Variants in TUBGCP6 observed in about 807,000 individuals in gnomAD.
TUBGCP6 encodes the protein gamma-tubulin complex component 6.
A neutral mutation model predicts 175.8 loss-of-function variants in TUBGCP6; 161 were observed. The observed-to-expected ratio is 0.92, with a 90% CI of 0.81 to 1.04. The LOEUF (loss-of-function observed/expected upper bound fraction) is 1.04. TUBGCP6 is among the 50% of genes least tolerant of loss of function. The pLI, the probability that TUBGCP6 is intolerant of heterozygous loss-of-function variation, is 0.00. For synonymous variants in TUBGCP6, 1,173 were observed against 1,030.5 expected (o/e 1.14, Z -2.65); for missense variants, 2,572 against 2,433.0 (o/e 1.06, Z -1.20).
chr22:50,225,791 C>T lies in TUBGCP6; in HGVS notation c.1983+3G>A, dbSNP rs2064598136. 6.2e-7 allele frequency: 1 copy of T among 1,611,176 alleles called. No homozygotes were observed. The highest frequency in any genetic ancestry group is 8.5e-7 in the Non-Finnish European group (1 of 1,178,518). ...AGCCCCCGAGACCTGTGGTGCCACG[C>T]ACCTTCTCCTCCTTGCTGACAGAGC... On this transcript the variant is annotated splice_donor_region_variant and intron_variant, in intron 10 of 24. Transcript: ENST00000248846.
In TUBGCP6 at chr22:50,219,364, T is replaced by C. The variant is rs748294303; in HGVS notation, c.4408A>G (p.Thr1470Ala). ...DPQVQSAADE[T>A]AVQLSELLTL... ...AGCAACTCGCTCAGCTGCACAGCAGTCTCATCAGCGGCAGACTGGACCTGG... is the reference window on the plus strand; with the variant it reads ...AGCAACTCGCTCAGCTGCACAGCAGCCTCATCAGCGGCAGACTGGACCTGG... Residue 1470 changes from threonine (T) to alanine (A), a missense_variant, in exon 19 of 25, where the codon ACT (threonine) becomes GCT (alanine). Coordinates refer to ENST00000248846, the MANE Select transcript of TUBGCP6 (RefSeq NM_020461.4). 3 of 1,587,022 alleles carry C rather than the reference T, an allele frequency of 1.9e-6. No individual in the cohort carries two copies. The highest frequency in any genetic ancestry group is 2.3e-5 in the South Asian group (2 of 87,714).
At chr22:50,235,715 G>A (rs1322517312) in intron 2 of TUBGCP6, among the ~76,000 whole-genome samples, 2 of 152,154 alleles carry the variant, frequency 1.3e-5, no homozygotes, top group Non-Finnish European at 2.9e-5. Flanking sequence ...GCCAAGAAAG[G>A]CAGATCACGA....
At chr22:50,241,699 C>G (rs1455229474) in intron 1 of TUBGCP6, among the ~76,000 whole-genome samples, 1 of 152,134 alleles carries the variant, frequency 6.6e-6, no homozygotes, top group Non-Finnish European at 1.5e-5. Flanking sequence ...CAGGGAAGGG[C>G]CCCCTGTCCA....
In TUBGCP6 at chr22:50,221,239, A is replaced by G; in HGVS notation, c.3120T>C (p.Ala1040=). 1 of 1,614,160 alleles carries G rather than the reference A, an allele frequency of 6.2e-7. No homozygotes were observed. Among genetic ancestry groups the G allele is most frequent in the African/African-American group, 1.3e-5 (1 of 75,062 alleles). Residue 1040 remains alanine, a synonymous_variant, in exon 16 of 25, where the codon GCT becomes GCC. Transcript: ENST00000248846. ...SGGGLPTGDY[A]SEIAPTRPRW... Reference sequence around the variant, plus strand: ...GTGGCCGGGTGGGAGCTATTTCAGAAGCGTAGTCCCCTGTGGGAAGACCAC... The same window carrying G: ...GTGGCCGGGTGGGAGCTATTTCAGAGGCGTAGTCCCCTGTGGGAAGACCAC...
intron 2 of TUBGCP6, among the ~76,000 whole-genome samples, chr22:50,238,654 C>T (rs1360774939): frequency 6.6e-6 from 1 of 151,342 alleles, no homozygotes; most frequent in Non-Finnish European, 1.5e-5. Flanking sequence ...TCTCCTGCCT[C>T]AGCCTCCCCA....
chr22:50,225,084 C>G (rs1458522715), intron 10 of TUBGCP6, among the ~76,000 whole-genome samples: 1 of 148,562 alleles, frequency 6.7e-6, no homozygotes, highest in East Asian at 2.0e-4. Context: ...CCCCCAGGCT[C>G]TCAGCAGTGG....
At position 50,243,932 on chromosome 22, in the gene TUBGCP6, C is replaced by G. The variant is rs180777137; in HGVS notation, c.528G>C (p.Gln176His). The G allele has an allele frequency of 6.2e-5, 100 of 1,614,140 alleles. No individual in the cohort carries two copies. Among genetic ancestry groups the G allele is most frequent in the Non-Finnish European group, 5.1e-6 (6 of 1,180,040 alleles). The change falls in exon 1 of 25, where the codon CAG becomes CAC. Residue 176 changes from glutamine (Q) to histidine (H), a missense_variant. Coordinates refer to ENST00000248846, the MANE Select transcript of TUBGCP6 (RefSeq NM_020461.4). ...CAGCCTCCATAACCTGAAGTGTTTC[C>G]TGGATCATGCTGTGACACAAACACT... ...REECLCHSMI[Q>H]ETLQVMEAAP...
chr22:50,219,867 A>T, intron 17 of TUBGCP6, 76 bp from the exon 18 acceptor site: 2 of 1,603,688 alleles, frequency 1.2e-6, no homozygotes, highest in Admixed American at 3.3e-5. Flanking sequence ...AAAAAAAGGA[A>T]AATCGCATGT....
rs577492939 is a variant in TUBGCP6 at position 50,227,525 on chromosome 22, C to T, written c.1412+382G>A. ...CACTCTGCTCCTCAGCCTGGAAGGT[C>T]GCCTCTCCCACTGCTCCCAATGCCC... is the stretch of plus-strand genomic sequence containing the variant. On this transcript the variant is annotated intron_variant, in intron 5 of 24. Transcript: ENST00000248846. 9.2e-5 allele frequency among the ~76,000 whole-genome samples: 14 copies of T among 152,326 alleles called. No individual in the cohort carries two copies. The South Asian group carries it at 1.9e-3, about 20-fold the overall frequency.
In TUBGCP6 at chr22:50,244,049, C is replaced by T. The variant is rs1184860327; in HGVS notation, c.411G>A (p.Lys137=). 6.2e-7 allele frequency: 1 copy of T among 1,614,060 alleles called. No individual in the cohort carries two copies. Among genetic ancestry groups the T allele is most frequent in the South Asian group, 1.1e-5 (1 of 91,086 alleles). Residue 137 remains lysine, a synonymous_variant, in exon 1 of 25, where the codon AAG becomes AAA. Coordinates refer to ENST00000248846, the MANE Select transcript of TUBGCP6 (RefSeq NM_020461.4). ...TGTACGGAACGTTTCTCCCCACATGCTTGTTGTTAAGGAAGTAGTCTCGTT... is the reference window on the plus strand; with the variant it reads ...TGTACGGAACGTTTCTCCCCACATGTTTGTTGTTAAGGAAGTAGTCTCGTT... ...PRKRDYFLNN[K]HVGRNVPYSG... is the part of the protein sequence containing the mutation.
chr22:50,224,466 C>A, intron 11 of TUBGCP6, 45 bp downstream of exon 11: 1 of 1,614,166 alleles, frequency 6.2e-7, no homozygotes. Context: ...GAGGCCCCAG[C>A]AAGGCCCCCC....
Position 50,220,264 on chromosome 22 carries a change from G to A in TUBGCP6, c.4095C>T (p.Val1365=), listed in dbSNP as rs1198125044. 3 of 1,559,318 alleles carry A rather than the reference G, an allele frequency of 1.9e-6. No homozygotes were observed. Among genetic ancestry groups the A allele is most frequent in the African/African-American group, 1.4e-5 (1 of 73,720 alleles). ...PWWPNTPGDS[V]SEELGPGRSG... The stretch of plus-strand genomic sequence containing the variant: ...CCCTACTCTGACCTAGTTCTTCAGA[G>A]ACACTGTCTCCCGGGGTGTTGGGCC... Residue 1365 remains valine, a synonymous_variant, in exon 16 of 25, where the codon GTC becomes GTT. Coordinates refer to ENST00000248846, the MANE Select transcript of TUBGCP6 (RefSeq NM_020461.4).
chr22:50,230,783 AAG>A, intron 3 of TUBGCP6, among the ~76,000 whole-genome samples: 1 of 150,638 alleles, frequency 6.6e-6, no homozygotes, highest in East Asian at 2.0e-4. Flanking sequence ...AAAAAAAAAA[AAG>A]AAAGAAAAGA....
chr22:50,244,174 G>GCTC lies in TUBGCP6; in HGVS notation c.283_285dup (p.Glu95dup), dbSNP rs1465045982. 1 of 1,613,234 alleles carries GCTC rather than the reference G, an allele frequency of 6.2e-7. No homozygotes were observed. The highest frequency in any genetic ancestry group is 8.5e-7 in the Non-Finnish European group (1 of 1,180,056). On this transcript the variant is annotated inframe_insertion, in exon 1 of 25. Transcript: ENST00000248846. ...AGCGGACAGCAAGGGGCTGCTTCCAGCTCCTCCACAAGCTCCTCCAAACGG... is the reference window on the plus strand; with the variant it reads ...AGCGGACAGCAAGGGGCTGCTTCCAGCTCCTCCTCCACAAGCTCCTCCAAACGG...
chr22:50,244,653 G>T lies in TUBGCP6; in HGVS notation c.-194C>A. On this transcript the variant is annotated 5_prime_UTR_variant, in exon 1 of 25. Transcript: ENST00000248846. ...GCTCTACTCAGAGTAAACACGCCCT[G>T]CCCTCCCCAGTCCAAGCACGCTGCC... 1.1e-6 allele frequency: 1 copy of T among 905,444 alleles called. No individual in the cohort carries two copies. Among genetic ancestry groups the T allele is most frequent in the Non-Finnish European group, 1.6e-6 (1 of 626,514 alleles). 56.1% of individuals were successfully genotyped at this position (905,444 alleles called of 1,614,324 possible).
intron 4 of TUBGCP6, among the ~76,000 whole-genome samples, chr22:50,228,902 C>A (rs1181981594): frequency 5.3e-5 from 8 of 152,170 alleles, no homozygotes; most frequent in Admixed American, 5.2e-4. Context: ...CCATCATCCA[C>A]CTGCCTATTC....
chr22:50,240,046 C>T (rs2064820776), intron 2 of TUBGCP6, 158 bp downstream of exon 2: 3 of 1,000,910 alleles, frequency 3.0e-6, no homozygotes, highest in Non-Finnish European at 4.5e-6. Flanking sequence ...TCTCTCTTAA[C>T]TCCCAGGACT....
rs1171718213 is a variant in TUBGCP6 at position 50,224,606 on chromosome 22, C to A, written c.1984-14G>T. On this transcript the variant is annotated splice_polypyrimidine_tract_variant and intron_variant, in intron 10 of 24. Transcript: ENST00000248846. ...CATACGTAATTCCTGAGAAAGACAA[C>A]TGGTAATCAAAGCATCCTGGCCGGG... The A allele has an allele frequency of 6.2e-7, 1 of 1,613,128 alleles. No individual in the cohort carries two copies. Among genetic ancestry groups the A allele is most frequent in the East Asian group, 2.2e-5 (1 of 44,882 alleles).
At position 50,220,692 on chromosome 22, in the gene TUBGCP6, T is replaced by A. The variant is rs771047316; in HGVS notation, c.3667A>T (p.Ile1223Phe). ...TCCGATACGTTCTCCCCAACCCTGA[T>A]GCTGGTGTCAGACACATGTCCGTGG... ...NTHGHVSDTS[I>F]RVGENVSDVA... Residue 1223 changes from isoleucine (I) to phenylalanine (F), a missense_variant, in exon 16 of 25, where the codon ATC becomes TTC. By Grantham distance (21) the Ile-to-Phe change is conservative (BLOSUM62 0). Coordinates refer to ENST00000248846, the MANE Select transcript of TUBGCP6 (RefSeq NM_020461.4). 3 of 1,610,476 alleles carry A rather than the reference T, an allele frequency of 1.9e-6. No individual in the cohort carries two copies. The South Asian group carries it at 3.3e-5, about 18-fold the overall frequency.
Sources: allele counts gnomAD v4.1 joint callset (sites outside exome capture counted in the v4.1 genomes callset), GRCh38; gene constraint gnomAD v4.1.1; transcripts MANE v1.5; gene names NCBI Gene and HGNC (gene_info 2026-07-23, HGNC 2026-07-21).